Variants in ST7L observed in about 807,000 individuals in gnomAD.
The protein encoded by ST7L is suppression of tumorigenicity 7 like, also known as suppressor of tumorigenicity 7 protein-like.
ST7L carries 57 observed loss-of-function variants against 72.5 expected under a neutral mutation model. The observed-to-expected ratio is 0.79, with a 90% CI of 0.64 to 0.98. The LOEUF (loss-of-function observed/expected upper bound fraction) is 0.98. Ranked by LOEUF, ST7L falls within the 50% of genes least tolerant of loss-of-function variation. The pLI, the probability that ST7L is intolerant of heterozygous loss-of-function variation, is 0.00. For synonymous variants in ST7L, 221 were observed against 240.9 expected, an observed-to-expected ratio of 0.92 and a Z score of 0.77; for missense variants, 576 against 672.2, an observed-to-expected ratio of 0.86 and a Z score of 1.58.
At chr1:112,528,417 T>C (rs1653804625) in intron 14 of ST7L, 1 of 152,178 alleles carries the variant, frequency 6.6e-6, no homozygotes, top group Non-Finnish European at 1.5e-5. Context: ...AGCCACATAG[T>C]ATCTTGATTT....
In ST7L at chr1:112,549,605, T is replaced by C. The variant is rs145154795; in HGVS notation, c.1489+996A>G. Reference sequence around the variant, plus strand: ...TTTCAGATTGTTCATTACTAGTATATAGATATATAATTAATTTTAGTATAT... The same window carrying C: ...TTTCAGATTGTTCATTACTAGTATACAGATATATAATTAATTTTAGTATAT... On this transcript the variant is annotated intron_variant, in intron 13 of 14. Transcript: ENST00000358039. Among the ~76,000 whole-genome samples the C allele has an allele frequency of 4.1e-3, 622 of 149,962 alleles. 3 individuals carry two copies. The highest frequency in any genetic ancestry group is 0.014 in the African/African-American group (600 of 41,430).
At chr1:112,520,298 G>A (rs749872142), downstream of ST7L, 1 of 1,614,010 alleles carries the variant, frequency 6.2e-7, no homozygotes, top group Admixed American at 1.7e-5. Context: ...GGCACTGCAG[G>A]CCGTGTCTGC....
At chr1:112,589,643 C>G (rs1665392348) in intron 6 of ST7L, among the ~76,000 whole-genome samples, 1 of 152,094 alleles carries the variant, frequency 6.6e-6, no homozygotes, top group Admixed American at 6.5e-5. Flanking sequence ...GCCTCGTGGT[C>G]AGTTGGTGAT....
intron 5 of ST7L, among the ~76,000 whole-genome samples, chr1:112,594,641 TTCTA>T (rs950038440): frequency 2.6e-5 from 4 of 152,052 alleles, no homozygotes; most frequent in African/African-American, 9.7e-5. Flanking sequence ...ACAGCTATCT[TTCTA>T]TCTTAGAATC....
chr1:112,540,365 A>G, intron 14 of ST7L: 1 of 985,456 alleles, frequency 1.0e-6, no homozygotes, highest in Non-Finnish European at 1.2e-6. Context: ...GCCAGATTAC[A>G]TAGTAAGGTC....
In ST7L at chr1:112,544,992, A is replaced by T. The variant is rs143025549; in HGVS notation, c.1490-2902T>A. ...ATCAGAAGGCATAAAAGACGACTAA[A>T]TAGCTATGTGAACTAGGGGAATAGT... is the stretch of plus-strand genomic sequence containing the variant. On this transcript the variant is annotated intron_variant, in intron 13 of 14. Transcript: ENST00000358039. Among the ~76,000 whole-genome samples, 463 of 152,332 alleles carry T rather than the reference A, an allele frequency of 3.0e-3. 4 individuals carry two copies. Among genetic ancestry groups the T allele is most frequent in the African/African-American group, 0.01 (436 of 41,580 alleles).
In ST7L at chr1:112,578,330, T is replaced by C. The variant is rs1351609938; in HGVS notation, c.1142+15A>G. 6.2e-7 allele frequency: 1 copy of C among 1,611,444 alleles called. No homozygotes were observed. The highest frequency in any genetic ancestry group is 8.5e-7 in the Non-Finnish European group (1 of 1,177,724). On this transcript the variant is annotated intron_variant, in intron 10 of 14. Transcript: ENST00000358039. ...AGCAGTCTTTCCAAATCATTGTAGT[T>C]TTTATAACACGTACTTTTCTGAAAC...
chr1:112,542,227 G>A, intron 13 of ST7L, 137 bp from the exon 14 acceptor site: 1 of 788,640 alleles, frequency 1.3e-6, no homozygotes, highest in Non-Finnish European at 1.9e-6. Context: ...GCTAAGCAAG[G>A]TAGAAGACAG....
rs1663216044 is a variant in ST7L at position 112,577,083 on chromosome 1, G to A, written c.1148C>T (p.Ser383Phe). The change falls in exon 11 of 15, where the codon TCT (serine) becomes TTT (phenylalanine). Residue 383 changes from serine to phenylalanine, a missense_variant. Ser to Phe is a radical substitution (Grantham distance 155). Transcript: ENST00000358039. ...TCCTCTTCTGGAGGCTGTTTCTGGA[G>A]AGAATCTACAAGAAAACCACAAAAT... Reference protein sequence around the residue: ...LKTRTVSEKFSPETASRRGLS... With the variant: ...LKTRTVSEKFFPETASRRGLS... 6.4e-7 allele frequency: 1 copy of A among 1,574,234 alleles called. No homozygotes were observed. Among genetic ancestry groups the A allele is most frequent in the Non-Finnish European group, 8.6e-7 (1 of 1,160,142 alleles).
At chr1:112,574,243 G>A (rs12082535) in intron 11 of ST7L, among the ~76,000 whole-genome samples, 1 of 145,018 alleles carries the variant, frequency 6.9e-6, no homozygotes, top group Non-Finnish European at 1.5e-5. Context: ...ATGAGACAGA[G>A]TCTCACTCTG....
intron 7 of ST7L, 136 bp from the exon 8 acceptor site, chr1:112,582,608 T>A: frequency 1.9e-6 from 1 of 528,342 alleles, no homozygotes; most frequent in Non-Finnish European, 3.3e-6. Flanking sequence ...AATGGAAGAA[T>A]ATTAATGATG....
chr1:112,577,427 G>A lies in ST7L; in HGVS notation c.1143-339C>T, dbSNP rs578172778. On this transcript the variant is annotated intron_variant, in intron 10 of 14. Transcript: ENST00000358039. ...CCTGTAGTCCCAGGCACACATGGGA[G>A]GCTGAGGCAGGAGAATCACTTGTAC... 2.0e-5 allele frequency among the ~76,000 whole-genome samples: 3 copies of A among 150,960 alleles called. No homozygotes were observed. The South Asian group carries it at 6.3e-4, about 32-fold the overall frequency.
intron 2 of ST7L, among the ~76,000 whole-genome samples, chr1:112,616,022 C>G (rs1442665212): frequency 7.2e-5 from 11 of 152,090 alleles, no homozygotes; most frequent in Non-Finnish European, 1.6e-4. Context: ...TAGGTGTTAG[C>G]CACCACGTCC....
At chr1:112,609,606 G>C (rs1307725134) in intron 3 of ST7L, among the ~76,000 whole-genome samples, 3 of 151,642 alleles carry the variant, frequency 2.0e-5, no homozygotes, top group Admixed American at 2.0e-4. Flanking sequence ...GGCAGATCAT[G>C]AGGTCAAGAG....
intron 13 of ST7L, among the ~76,000 whole-genome samples, 164 bp from the exon 14 acceptor site, chr1:112,542,254 C>T (rs906174462): frequency 6.6e-6 from 1 of 152,032 alleles, no homozygotes; most frequent in Non-Finnish European, 1.5e-5. Context: ...ATTATTTATC[C>T]CAGCATCAAC....
intron 12 of ST7L, among the ~76,000 whole-genome samples, chr1:112,552,881 A>G (rs1658461275): frequency 6.6e-6 from 1 of 152,016 alleles, no homozygotes; most frequent in Admixed American, 6.6e-5. Context: ...AGGTGGAAGG[A>G]TTGCCTGAGG....
intron 13 of ST7L, among the ~76,000 whole-genome samples, chr1:112,544,381 T>G (rs1284355780): frequency 6.6e-6 from 1 of 152,194 alleles, no homozygotes; most frequent in Non-Finnish European, 1.5e-5. Flanking sequence ...ACAAACCCAT[T>G]AAAAATCCAG....
At chr1:112,599,361 G>C (rs1181021498) in intron 4 of ST7L, among the ~76,000 whole-genome samples, 1 of 151,916 alleles carries the variant, frequency 6.6e-6, no homozygotes, top group Non-Finnish European at 1.5e-5. Flanking sequence ...AAGCATAGGA[G>C]TTATTGCTTA....
chr1:112,594,689 G>C lies in ST7L; in HGVS notation c.623-3086C>G, dbSNP rs538683586. The stretch of plus-strand genomic sequence containing the variant: ...GAAGACAGATGGTTGTCATGGGGAG[G>C]CATGTTAATATGTTTATTTAAATTG... On this transcript the variant is annotated intron_variant, in intron 5 of 14. Coordinates refer to ENST00000358039, the MANE Select transcript of ST7L (RefSeq NM_017744.5). Among the ~76,000 whole-genome samples, 3 of 152,258 alleles carry C rather than the reference G, an allele frequency of 2.0e-5. No homozygotes were observed. In the South Asian group the frequency reaches 6.2e-4, roughly 32 times the overall value.
Sources: gnomAD v4.1 joint callset for allele counts (sites outside exome capture counted in the v4.1 genomes callset) on GRCh38, gnomAD v4.1.1 for gene constraint, MANE v1.5 for transcripts, NCBI Gene and HGNC (gene_info 2026-07-23, HGNC 2026-07-21) for gene names.